The following ASPA variants were observed in gnomAD, a reference collection of about 807,000 sequenced individuals.
The protein encoded by ASPA is ACY-2.
ASPA carries 25 observed loss-of-function variants against 29.6 expected under a neutral mutation model. The observed-to-expected ratio is 0.85, with a 90% CI of 0.62 to 1.18. The LOEUF (loss-of-function observed/expected upper bound fraction) is 1.18, where lower values mean the gene tolerates loss of function less well. Ranked by LOEUF, ASPA falls within the 50% of genes most tolerant of loss-of-function variation. The probability of loss-of-function intolerance (pLI) is 0.00; values close to 1 mark genes in which losing one functional copy is unlikely to be tolerated. For missense variants in ASPA, 333 were observed against 385.7 expected (o/e 0.86, Z 1.14); for synonymous variants, 131 against 130.3 (o/e 1.01, Z -0.04).
intron 5 of ASPA, among the ~76,000 whole-genome samples, chr17:3,497,028 T>C (rs1047996879): frequency 2.0e-5 from 3 of 152,314 alleles, no homozygotes; most frequent in African/African-American, 7.2e-5. Context: ...ATTGTGCCAC[T>C]GCACTCCAGC....
intron 3 of ASPA, among the ~76,000 whole-genome samples, chr17:3,484,774 C>A (rs2073690660): frequency 6.6e-6 from 1 of 152,156 alleles, no homozygotes; most frequent in Admixed American, 6.5e-5. Context: ...CAGCAGCAGA[C>A]AATTGGTGGA....
chr17:3,498,924 C>T lies in ASPA; in HGVS notation c.778C>T (p.Pro260Ser). Residue 260 changes from proline (P) to serine (S), a missense_variant, in exon 6 of 6, where the codon CCC (proline) becomes TCC (serine). Transcript: ENST00000263080. ...QDWKPLHPGD[P>S]MFLTLDGKTI... ...CTGGAAACCACTGCATCCTGGGGATCCCATGTTTTTAACTCTTGATGGGAA... is the reference window on the plus strand; with the variant it reads ...CTGGAAACCACTGCATCCTGGGGATTCCATGTTTTTAACTCTTGATGGGAA... 1 of 1,607,404 alleles carries T rather than the reference C, an allele frequency of 6.2e-7. No homozygotes were observed. Among genetic ancestry groups the T allele is most frequent in the Non-Finnish European group, 8.5e-7 (1 of 1,175,786 alleles).
intron 5 of ASPA, among the ~76,000 whole-genome samples, chr17:3,495,818 C>T (rs544858592): frequency 7.2e-5 from 11 of 152,288 alleles, no homozygotes; most frequent in East Asian, 1.9e-4. Context: ...CCACCTGCCT[C>T]GGCCTCCCAA....
intron 2 of ASPA, among the ~76,000 whole-genome samples, chr17:3,482,810 T>C (rs2073654277): frequency 7.4e-6 from 1 of 135,542 alleles, no homozygotes; most frequent in Non-Finnish European, 1.8e-5. Context: ...ACTATTATAC[T>C]TTAAGTTTTA....
intron 4 of ASPA, among the ~76,000 whole-genome samples, chr17:3,493,536 G>A (rs2073859242): frequency 6.9e-6 from 1 of 145,492 alleles, no homozygotes; most frequent in Non-Finnish European, 1.5e-5. Context: ...ACTCCAGCCT[G>A]GGTGAAAGAG....
chr17:3,493,486 G>C (rs555638642), intron 4 of ASPA, among the ~76,000 whole-genome samples: 1 of 150,756 alleles, frequency 6.6e-6, no homozygotes, highest in Admixed American at 6.6e-5. Flanking sequence ...GCTTGAACCC[G>C]GGAGGTGGAG....
At chr17:3,477,729 TAGGCATG>T (rs917644590) in intron 1 of ASPA, among the ~76,000 whole-genome samples, 2 of 152,062 alleles carry the variant, frequency 1.3e-5, no homozygotes, top group African/African-American at 2.4e-5. Context: ...GCTGGGATTA[TAGGCATG>T]AGCCACCGCG....
chr17:3,488,582 G>A lies in ASPA; in HGVS notation c.527-653G>A, dbSNP rs2073767722. On this transcript the variant is annotated intron_variant, in intron 3 of 5. Coordinates refer to ENST00000263080, the MANE Select transcript of ASPA (RefSeq NM_000049.4). This position sits in a 1 kb window ranked among gnomAD's most constrained non-coding sequence, Gnocchi z 6.1. ...TGAGGCAGAAGAATCGCTTGAACCT[G>A]GGAGGCAGAGGTTGCAGTGAGCAGA... 6.6e-6 allele frequency among the ~76,000 whole-genome samples: 1 copy of A among 152,144 alleles called. No individual in the cohort carries two copies. The highest frequency in any genetic ancestry group is 2.1e-4 in the South Asian group (1 of 4,826).
At position 3,499,102 on chromosome 17, in the gene ASPA, C is replaced by T. The variant is rs774852992; in HGVS notation, c.*14C>T. The T allele has an allele frequency of 3.1e-6, 5 of 1,610,368 alleles. No homozygotes were observed. Among genetic ancestry groups the T allele is most frequent in the South Asian group, 1.1e-5 (1 of 90,442 alleles). On this transcript the variant is annotated 3_prime_UTR_variant, in exon 6 of 6. Coordinates refer to ENST00000263080, the MANE Select transcript of ASPA (RefSeq NM_000049.4). The stretch of plus-strand genomic sequence containing the variant: ...TGTTTACATTAGAAATCACTTCCAG[C>T]TTACATCTTACACGGTGTCTTACAA...
intron 3 of ASPA, among the ~76,000 whole-genome samples, chr17:3,483,933 C>T (rs1355311700): frequency 6.6e-6 from 1 of 152,222 alleles, no homozygotes; most frequent in Non-Finnish European, 1.5e-5. Flanking sequence ...GCTGGGATTA[C>T]AGGCATGAGT....
chr17:3,500,864 G>C lies in ASPA; in HGVS notation c.*1776G>C, dbSNP rs1166946698. ...CTGCTGTGTCTGAGCTCTATAAATG[G>C]AACAACAAAGCCTCGCTGGCAGCAC... On this transcript the variant is annotated 3_prime_UTR_variant, in exon 6 of 6. Coordinates refer to ENST00000263080, the MANE Select transcript of ASPA (RefSeq NM_000049.4). 2.0e-5 allele frequency: 3 copies of C among 152,016 alleles called. No homozygotes were observed. Among genetic ancestry groups the C allele is most frequent in the Non-Finnish European group, 4.4e-5 (3 of 68,030 alleles). The allele number at this position is 152,016 out of a possible 1,614,324, so 9.4% of individuals were successfully genotyped here.
intron 4 of ASPA, among the ~76,000 whole-genome samples, chr17:3,491,044 G>T (rs372876924): frequency 2.0e-5 from 3 of 152,178 alleles, no homozygotes; most frequent in African/African-American, 7.2e-5. Context: ...CATGTGAAAA[G>T]TCTGAAGAAG....
chr17:3,480,290 G>A (rs189443963), intron 1 of ASPA, among the ~76,000 whole-genome samples: 8 of 152,226 alleles, frequency 5.3e-5, no homozygotes, highest in East Asian at 1.9e-4. Flanking sequence ...ACACAGAGCC[G>A]GCTGTACAGA....
At chr17:3,486,743 T>C (rs1027557052) in intron 3 of ASPA, among the ~76,000 whole-genome samples, 4 of 152,226 alleles carry the variant, frequency 2.6e-5, no homozygotes, top group African/African-American at 7.2e-5. Context: ...GCAAACAATA[T>C]AAATAAATTA....
At position 3,494,412 on chromosome 17, in the gene ASPA, C is replaced by T. The variant is rs367957948; in HGVS notation, c.697C>T (p.Arg233Trp). The change falls in exon 5 of 6, where the codon CGG becomes TGG. Residue 233 changes from arginine to tryptophan, a missense_variant. Coordinates refer to ENST00000263080, the MANE Select transcript of ASPA (RefSeq NM_000049.4). ...YKIIEKVDYPRDENGEIAAII... is the reference protein window; with the variant it reads ...YKIIEKVDYPWDENGEIAAII... ...AATTATAGAGAAAGTTGATTACCCC[C>T]GGGATGAAAATGGAGAAATTGCTGC... The T allele has an allele frequency of 1.9e-5, 31 of 1,612,726 alleles. No homozygotes were observed. Among genetic ancestry groups the T allele is most frequent in the South Asian group, 1.6e-4 (15 of 91,058 alleles).
rs1188752896 is a variant in ASPA, at chr17:3,503,005, T to A, written c.*3917T>A. 6.6e-6 allele frequency: 1 copy of A among 152,222 alleles called. No homozygotes were observed. Among genetic ancestry groups the A allele is most frequent in the Admixed American group, 6.5e-5 (1 of 15,268 alleles). The allele number at this position is 152,222 out of a possible 1,614,324, so 9.4% of individuals were successfully genotyped here. The stretch of plus-strand genomic sequence containing the variant: ...CCATGTCCTAAATGCCCAAACCCCT[T>A]GCCTCCCATGATTCTTCTCCTCAAA... On this transcript the variant is annotated 3_prime_UTR_variant, in exon 6 of 6. Transcript: ENST00000263080.
At chr17:3,497,186 G>A (rs997233252) in intron 5 of ASPA, among the ~76,000 whole-genome samples, 1 of 152,190 alleles carries the variant, frequency 6.6e-6, no homozygotes, top group Admixed American at 6.5e-5. Flanking sequence ...CTCAGGTCTG[G>A]ATAGCACTGC....
At chr17:3,480,867 T>G (rs969778091) in intron 1 of ASPA, among the ~76,000 whole-genome samples, 1 of 152,238 alleles carries the variant, frequency 6.6e-6, no homozygotes, top group Non-Finnish European at 1.5e-5. Flanking sequence ...TAGATCTCTT[T>G]CATTGTAATA....
rs1008846130 is a variant in ASPA at position 3,499,050 on chromosome 17, A to G, written c.904A>G (p.Thr302Ala). Residue 302 changes from threonine (T) to alanine (A), a missense_variant, in exon 6 of 6, where the codon ACG becomes GCG. By Grantham distance (58) the Thr-to-Ala change is moderately conservative. Transcript: ENST00000263080. ...KEAFAKTTKL[T>A]LNAKSIRCCL... ...AGCTTTTGCAAAGACAACTAAACTA[A>G]CGCTCAATGCAAAAAGTATTCGCTG... The G allele has an allele frequency of 5.0e-6, 8 of 1,614,132 alleles. No individual in the cohort carries two copies. Among genetic ancestry groups the G allele is most frequent in the Non-Finnish European group, 6.8e-6 (8 of 1,180,018 alleles).
Sources: allele counts gnomAD v4.1 joint callset (sites outside exome capture counted in the v4.1 genomes callset), GRCh38; gene constraint gnomAD v4.1.1; non-coding constraint Gnocchi (gnomAD v3.1); transcripts MANE v1.5; gene names NCBI Gene and HGNC (gene_info 2026-07-23, HGNC 2026-07-21).